The following KHDRBS2 variants were observed in gnomAD, a reference collection of about 807,000 sequenced individuals.
KHDRBS2 encodes the protein KH domain-containing, RNA-binding, signal transduction-associated protein 2.
KHDRBS2 carries 26 observed loss-of-function variants against 44.3 expected under a neutral mutation model. That is an observed-to-expected ratio of 0.59 (90% confidence interval 0.43 to 0.81). The LOEUF is 0.81. Ranked by LOEUF, KHDRBS2 falls within the 40% of genes least tolerant of loss-of-function variation. The pLI is 0.00. For missense variants in KHDRBS2, 476 were observed against 433.1 expected, an observed-to-expected ratio of 1.10 and a Z score of -0.88; for synonymous variants, 194 against 151.1, an observed-to-expected ratio of 1.28 and a Z score of -2.08.
intron 2 of KHDRBS2, among the ~76,000 whole-genome samples, chr6:62,050,012 TTACGA>T (rs1197934259): frequency 5.3e-5 from 8 of 152,036 alleles, no homozygotes; most frequent in African/African-American, 1.9e-4. Context: ...GCAGCACTAT[TTACGA>T]TAGCAAAGAC....
chr6:62,133,040 A>G (rs1810688654), intron 2 of KHDRBS2, among the ~76,000 whole-genome samples: 1 of 152,230 alleles, frequency 6.6e-6, no homozygotes. Context: ...TCATAACACA[A>G]AGCAGCCATA....
the KHDRBS2 span, chr6:61,630,348 T>C: frequency 7.9e-6 from 1 of 125,826 alleles, no homozygotes; most frequent in Non-Finnish European, 1.7e-5. Context: ...ACATTTTTTG[T>C]AGGTAGAGCA....
chr6:62,249,795 G>T (rs1467914848), intron 1 of KHDRBS2, among the ~76,000 whole-genome samples: 1 of 152,106 alleles, frequency 6.6e-6, no homozygotes, highest in Admixed American at 6.6e-5. Flanking sequence ...TTTAGGAAAA[G>T]AACATGCTCT....
rs756241349 is a variant in KHDRBS2 at position 62,133,534 on chromosome 6, C to T, written c.219+43651G>A. ...ATTTATCAGCATCATGAAAATGGTC[C>T]AAGACAGTAAGTTGGTACCAGTAGA... is the stretch of plus-strand genomic sequence containing the variant. On this transcript the variant is annotated intron_variant, in intron 2 of 8. Coordinates refer to ENST00000281156, the MANE Select transcript of KHDRBS2 (RefSeq NM_152688.4). Among the ~76,000 whole-genome samples, 3 of 151,998 alleles carry T rather than the reference C, an allele frequency of 2.0e-5. No individual in the cohort carries two copies. The South Asian group carries it at 6.2e-4, about 31-fold the overall frequency.
intron 2 of KHDRBS2, among the ~76,000 whole-genome samples, chr6:62,080,930 G>A (rs1308556757): frequency 6.6e-6 from 1 of 152,016 alleles, no homozygotes; most frequent in Non-Finnish European, 1.5e-5. Flanking sequence ...TATAGCTTAT[G>A]GTCTCTCTTC....
the KHDRBS2 span, among the ~76,000 whole-genome samples, chr6:61,647,387 A>T: frequency 0.62 from 93,072 of 151,276 alleles, 29,188 homozygotes; most frequent in Middle Eastern, 0.69. Flanking sequence ...GACAAGTCAA[A>T]GAAACATGGT....
At chr6:62,248,399 C>G (rs1453566229) in intron 1 of KHDRBS2, among the ~76,000 whole-genome samples, 1 of 151,764 alleles carries the variant, frequency 6.6e-6, no homozygotes, top group Non-Finnish European at 1.5e-5. Flanking sequence ...TGCTCTGTCA[C>G]CCAGGCTGAT....
chr6:62,227,580 G>C (rs1360254657), intron 1 of KHDRBS2, among the ~76,000 whole-genome samples: 7 of 152,320 alleles, frequency 4.6e-5, no homozygotes, highest in African/African-American at 1.7e-4. Context: ...AGCAGTAAGA[G>C]ACAGCATCCT....
intron 2 of KHDRBS2, among the ~76,000 whole-genome samples, chr6:62,128,584 C>A (rs192117161): frequency 6.6e-6 from 1 of 151,686 alleles, no homozygotes; most frequent in Admixed American, 6.6e-5. Context: ...CTTGAATATT[C>A]TCTTTTTATG....
At chr6:62,170,558 T>A (rs930486441) in intron 2 of KHDRBS2, among the ~76,000 whole-genome samples, 5 of 152,068 alleles carry the variant, frequency 3.3e-5, no homozygotes, top group African/African-American at 1.2e-4. Context: ...TACTGGACTG[T>A]GGCCAAAAAA....
chr6:61,966,644 C>T (rs919587332), intron 4 of KHDRBS2, among the ~76,000 whole-genome samples: 1 of 152,002 alleles, frequency 6.6e-6, no homozygotes, highest in Non-Finnish European at 1.5e-5. Context: ...ATTCTTCATG[C>T]TGTCACTAGT....
intron 3 of KHDRBS2, among the ~76,000 whole-genome samples, chr6:61,986,711 T>C (rs1404247008): frequency 6.6e-6 from 1 of 152,216 alleles, no homozygotes; most frequent in Non-Finnish European, 1.5e-5. Context: ...ATTCCGTTCC[T>C]GGTGAGGGCT....
chr6:62,271,411 T>G (rs922551960), intron 1 of KHDRBS2, among the ~76,000 whole-genome samples: 1 of 152,188 alleles, frequency 6.6e-6, no homozygotes, highest in African/African-American at 2.4e-5. Flanking sequence ...TAGTTTATAA[T>G]ACTTGATAAT....
intron 4 of KHDRBS2, among the ~76,000 whole-genome samples, chr6:61,955,902 A>G (rs919542142): frequency 4.2e-4 from 64 of 152,078 alleles, no homozygotes; most frequent in African/African-American, 1.5e-3. Context: ...TGAGACACAA[A>G]TAAGTTAACT....
At chr6:62,018,767 C>A (rs1425746438) in intron 3 of KHDRBS2, among the ~76,000 whole-genome samples, 1 of 152,108 alleles carries the variant, frequency 6.6e-6, no homozygotes, top group Admixed American at 6.6e-5. Flanking sequence ...AAAACTTTCT[C>A]ATTACAAAAA....
rs1180268427 is a variant in KHDRBS2, at chr6:61,782,685, T to TTGTG, written c.811-49925_811-49922dup. 5.0e-4 allele frequency among the ~76,000 whole-genome samples: 22 copies of TTGTG among 44,330 alleles called. 1 individual carries two copies. Among genetic ancestry groups the TTGTG allele is most frequent in the South Asian group, 1.0e-3 (1 of 970 alleles). The allele number at this position is 44,330 out of a possible 152,430, so 29.1% of individuals were successfully genotyped here. ...CATTTTTTATACCTGTGTATAAAGG[T>TTGTG]TGTGTATATATATATATATATATAT... On this transcript the variant is annotated intron_variant, in intron 6 of 8. Transcript: ENST00000281156.
intron 2 of KHDRBS2, among the ~76,000 whole-genome samples, chr6:62,070,486 C>T (rs1794765340): frequency 6.6e-6 from 1 of 152,084 alleles, no homozygotes; most frequent in African/African-American, 2.4e-5. Context: ...CTATCCCTCC[C>T]CCCTCCTCCC....
the KHDRBS2 span, among the ~76,000 whole-genome samples, chr6:61,645,862 A>C: frequency 3.3e-5 from 5 of 152,294 alleles, no homozygotes; most frequent in Admixed American, 3.3e-4. Flanking sequence ...AAGTAGAACC[A>C]CAACAGTTAG....
At chr6:62,281,457 T>C in intron 1 of KHDRBS2, among the ~76,000 whole-genome samples, 1 of 151,832 alleles carries the variant, frequency 6.6e-6, no homozygotes, top group East Asian at 1.9e-4. Context: ...CAGTCTCTAC[T>C]AAAAATACAA....
Sources: allele counts gnomAD v4.1 joint callset (sites outside exome capture counted in the v4.1 genomes callset), GRCh38; gene constraint gnomAD v4.1.1; transcripts MANE v1.5; gene names NCBI Gene and HGNC (gene_info 2026-07-23, HGNC 2026-07-21).